SYCP1: variants seen among roughly 807,000 people sequenced by gnomAD.
SYCP1 encodes synaptonemal complex protein 1.
In SYCP1, 64 loss-of-function variants were observed where a neutral mutation model predicts 153.1. That is an observed-to-expected ratio of 0.42 (90% CI 0.34 to 0.51). The LOEUF (loss-of-function observed/expected upper bound fraction) is 0.51. Among genes scored for constraint, SYCP1 ranks in the 20% least tolerant of loss-of-function variants. The pLI is 0.06. For synonymous variants in SYCP1, 384 were observed against 341.8 expected, an observed-to-expected ratio of 1.12 and a Z score of -1.36; for missense variants, 997 against 1,049.0, an observed-to-expected ratio of 0.95 and a Z score of 0.68.
intron 12 of SYCP1, among the ~76,000 whole-genome samples, chr1:114,884,023 C>T (rs948830507): frequency 1.3e-5 from 2 of 152,104 alleles, no homozygotes; most frequent in South Asian, 2.1e-4. Context: ...TCCCCACAGT[C>T]GGACCAATGA....
chr1:114,878,161 A>C lies in SYCP1; in HGVS notation c.869A>C (p.Glu290Ala), dbSNP rs1665669470. ...ATGAAAGATTTAACATTTCTGCTAG[A>C]GGAATCCAGAGATAAAGTTAATCAA... ...NKMKDLTFLL[E>A]ESRDKVNQLE... Residue 290 changes from glutamate to alanine, a missense_variant, in exon 12 of 32, where the codon GAG becomes GCG. This residue lies in a region of SYCP1 where 285 missense variants were observed against 366.1 expected (regional missense o/e 0.78). Coordinates refer to ENST00000369522, the MANE Select transcript of SYCP1 (RefSeq NM_003176.4). 1 of 1,586,894 alleles carries C rather than the reference A, an allele frequency of 6.3e-7. No homozygotes were observed. Among genetic ancestry groups the C allele is most frequent in the Admixed American group, 1.7e-5 (1 of 58,390 alleles).
intron 23 of SYCP1, among the ~76,000 whole-genome samples, chr1:114,933,718 T>C (rs1218331756): frequency 6.6e-6 from 1 of 152,158 alleles, no homozygotes; most frequent in Non-Finnish European, 1.5e-5. Context: ...AATGACCGGA[T>C]GGAGCTGAAA....
chr1:114,882,065 C>T (rs1448864844), intron 12 of SYCP1, among the ~76,000 whole-genome samples: 2 of 151,886 alleles, frequency 1.3e-5, no homozygotes, highest in South Asian at 2.1e-4. Context: ...GGAAAAAACC[C>T]GTGTTGCATC....
chr1:114,911,452 C>T (rs757036949), intron 17 of SYCP1, 27 bp from the exon 18 acceptor site: 2 of 1,492,322 alleles, frequency 1.3e-6, no homozygotes, highest in South Asian at 2.8e-5. Context: ...AAAACACTTG[C>T]CATAGTTATA....
At chr1:114,891,554 G>A (rs1331064127) in intron 15 of SYCP1, among the ~76,000 whole-genome samples, 1 of 152,114 alleles carries the variant, frequency 6.6e-6, no homozygotes, top group Non-Finnish European at 1.5e-5. Flanking sequence ...GAAATCTTTG[G>A]CAAGTAATTT....
chr1:114,980,732 A>AACTT (rs1221447286), intron 28 of SYCP1, among the ~76,000 whole-genome samples: 3 of 151,864 alleles, frequency 2.0e-5, no homozygotes, highest in Non-Finnish European at 4.4e-5. Context: ...GAGAATCCTC[A>AACTT]ACTTTTGGTC....
chr1:114,894,273 G>C (rs1308860431), intron 15 of SYCP1, among the ~76,000 whole-genome samples: 1 of 152,004 alleles, frequency 6.6e-6, no homozygotes, highest in Non-Finnish European at 1.5e-5. Context: ...TAAAGACTGT[G>C]GACAATTATT....
chr1:114,971,098 A>G (rs1259586358), intron 27 of SYCP1, among the ~76,000 whole-genome samples: 1 of 152,196 alleles, frequency 6.6e-6, no homozygotes, highest in African/African-American at 2.4e-5. Context: ...GGAGGGATAC[A>G]AACTTGGCCT....
intron 18 of SYCP1, 34 bp downstream of exon 18, chr1:114,911,616 T>C: frequency 8.6e-7 from 1 of 1,168,420 alleles, no homozygotes; most frequent in African/African-American, 1.6e-5. Context: ...ATAGTTTATG[T>C]ACTCAATTCC....
At chr1:114,926,138 A>G in intron 21 of SYCP1, 140 bp from the exon 22 acceptor site, 1 of 599,176 alleles carries the variant, frequency 1.7e-6, no homozygotes, top group Non-Finnish European at 2.4e-6. Context: ...TGATTTTAGT[A>G]TAATTTTTAT....
chr1:114,950,713 A>G (rs1671041980), intron 27 of SYCP1, among the ~76,000 whole-genome samples: 1 of 152,176 alleles, frequency 6.6e-6, no homozygotes, highest in Non-Finnish European at 1.5e-5. Flanking sequence ...TTATGAATGT[A>G]CATGAGGACA....
intron 27 of SYCP1, among the ~76,000 whole-genome samples, chr1:114,950,205 T>C (rs1051953923): frequency 8.1e-4 from 123 of 152,326 alleles, no homozygotes; most frequent in African/African-American, 2.9e-3. Context: ...AGCCTCTCTT[T>C]TCTTTTGGCC....
At chr1:114,950,835 T>C (rs1671053806) in intron 27 of SYCP1, among the ~76,000 whole-genome samples, 1 of 107,356 alleles carries the variant, frequency 9.3e-6, no homozygotes, top group Admixed American at 9.1e-5. Context: ...TTTTTTTTTT[T>C]GAGACAGAGT....
At chr1:114,875,862 G>A (rs1037784189) in intron 9 of SYCP1, among the ~76,000 whole-genome samples, 2 of 152,136 alleles carry the variant, frequency 1.3e-5, no homozygotes, top group African/African-American at 4.8e-5. Flanking sequence ...ATAACATGTT[G>A]CCAGTGCATT....
chr1:114,948,113 TTA>T (rs1035474369), intron 27 of SYCP1, among the ~76,000 whole-genome samples: 2 of 152,042 alleles, frequency 1.3e-5, no homozygotes, highest in Non-Finnish European at 2.9e-5. Flanking sequence ...ATTAAAATGC[TTA>T]TATATTTAGA....
At chr1:114,907,960 T>C (rs945976501) in intron 16 of SYCP1, among the ~76,000 whole-genome samples, 11 of 152,168 alleles carry the variant, frequency 7.2e-5, no homozygotes, top group Non-Finnish European at 1.5e-4. Context: ...CATATGTTTT[T>C]TAAATAACTT....
intron 26 of SYCP1, 57 bp downstream of exon 26, chr1:114,946,438 G>A (rs1670713639): frequency 1.9e-6 from 2 of 1,062,612 alleles, no homozygotes; most frequent in East Asian, 2.9e-5. Flanking sequence ...AGCAGTGACT[G>A]GTGGTAAAGA....
intron 27 of SYCP1, among the ~76,000 whole-genome samples, chr1:114,963,172 T>A (rs778752547): frequency 2.6e-5 from 4 of 152,160 alleles, no homozygotes; most frequent in Admixed American, 2.6e-4. Context: ...TTGCGATGAA[T>A]TTCCTGGGTA....
chr1:114,907,727 G>A (rs971919226), intron 16 of SYCP1, among the ~76,000 whole-genome samples: 9 of 151,624 alleles, frequency 5.9e-5, no homozygotes, highest in Non-Finnish European at 1.0e-4. Context: ...GACTACAGGC[G>A]CCCGCCATGA....
Sources: allele counts gnomAD v4.1 joint callset (sites outside exome capture counted in the v4.1 genomes callset), GRCh38; gene constraint gnomAD v4.1.1; regional missense constraint gnomAD v4.1.1; transcripts MANE v1.5; gene names NCBI Gene and HGNC (gene_info 2026-07-23, HGNC 2026-07-21).